SUPT6H: variants seen among roughly 807,000 people sequenced by gnomAD.
SUPT6H encodes the protein transcription elongation factor SPT6.
SUPT6H carries 11 observed loss-of-function variants against 222.3 expected under a neutral mutation model. The observed-to-expected ratio is 0.05, with a 90% CI of 0.03 to 0.08. The LOEUF (loss-of-function observed/expected upper bound fraction) is 0.08, where lower values mean the gene tolerates loss of function less well. Among genes scored for constraint, SUPT6H ranks in the 10% least tolerant of loss-of-function variants. The pLI is 1.00. For missense variants in SUPT6H, 1,422 were observed against 2,216.0 expected (o/e 0.64, Z 7.19); for synonymous variants, 762 against 801.2 (o/e 0.95, Z 0.83).
At position 28,686,512 on chromosome 17, in the gene SUPT6H, C is replaced by CA. The variant is rs2031387936; in HGVS notation, c.2564+97_2564+98insA. ...ATGCCCATAACAGATGGGGCTTGTG[C>CA]TTGTGCAGGGAGTGTCCCTGGGGAT... On this transcript the variant is annotated intron_variant, in intron 20 of 36. Transcript: ENST00000314616. 19 of 1,540,868 alleles carry CA rather than the reference C, an allele frequency of 1.2e-5. No homozygotes were observed. The Admixed American group carries it at 3.3e-4, about 27-fold the overall frequency.
intron 11 of SUPT6H, among the ~76,000 whole-genome samples, chr17:28,679,495 G>T (rs2030961410): frequency 6.6e-6 from 1 of 152,156 alleles, no homozygotes; most frequent in Non-Finnish European, 1.5e-5. Context: ...GTTGCAGTGA[G>T]CTATGATTAT....
chr17:28,679,769 G>C (rs1034871924), intron 11 of SUPT6H, among the ~76,000 whole-genome samples: 9 of 151,648 alleles, frequency 5.9e-5, no homozygotes, highest in Admixed American at 5.3e-4. Context: ...GGGCGGGCGG[G>C]TCATGAGGTC....
intron 1 of SUPT6H, among the ~76,000 whole-genome samples, chr17:28,671,423 T>A (rs578212502): frequency 2.0e-5 from 3 of 152,306 alleles, no homozygotes; most frequent in Admixed American, 1.3e-4. Context: ...ATATGTTCTT[T>A]ATCTTCCAGA....
intron 10 of SUPT6H, 27 bp from the exon 11 acceptor site, chr17:28,678,792 GCT>G (rs1337611449): frequency 6.2e-7 from 1 of 1,613,946 alleles, no homozygotes; most frequent in Admixed American, 1.7e-5. Flanking sequence ...CTGAACACAA[GCT>G]CTCATTCCTG....
At position 28,677,721 on chromosome 17, in the gene SUPT6H, T is replaced by C. The variant is rs769634595; in HGVS notation, c.904T>C (p.Ser302Pro). 1.9e-6 allele frequency: 3 copies of C among 1,614,070 alleles called. No individual in the cohort carries two copies. Among genetic ancestry groups the C allele is most frequent in the Non-Finnish European group, 2.5e-6 (3 of 1,179,924 alleles). The stretch of plus-strand genomic sequence containing the variant: ...GTTGTCTTATCCACTCCAGCTCCGC[T>C]CCATCCCAGTCAAGGGGGCTGAAGA... ...TDLPERFQLR[S>P]IPVKGAEDDE... is the part of the protein sequence containing the mutation. The change falls in exon 8 of 37, where the codon TCC becomes CCC. Residue 302 changes from serine (S) to proline (P), a missense_variant. Around this residue, in one of 13 missense-constraint regions of SUPT6H, gnomAD observed 389 missense variants for 544.6 expected, o/e 0.71. Coordinates refer to ENST00000314616, the MANE Select transcript of SUPT6H (RefSeq NM_003170.5).
At position 28,687,090 on chromosome 17, in the gene SUPT6H, A is replaced by C. The variant is rs201651100; in HGVS notation, c.2703A>C (p.Ala901=). 4 of 1,613,150 alleles carry C rather than the reference A, an allele frequency of 2.5e-6. No homozygotes were observed. In the East Asian group the frequency reaches 6.7e-5, roughly 27 times the overall value. The stretch of plus-strand genomic sequence containing the variant: ...TGCTGACCCTCGTTTGACTCTAGGC[A>C]GAGTTCCGGGATTATCCTCCAGTGC... The part of the protein sequence containing the change: ...ILYMNSKKSE[A]EFRDYPPVLR... Residue 901 remains alanine, a splice_region_variant and synonymous_variant, in exon 22 of 37, where the codon GCA becomes GCC. Coordinates refer to ENST00000314616, the MANE Select transcript of SUPT6H (RefSeq NM_003170.5).
chr17:28,662,896 T>C (rs1397049167), intron 1 of SUPT6H, among the ~76,000 whole-genome samples: 1 of 152,240 alleles, frequency 6.6e-6, no homozygotes, highest in Admixed American at 6.5e-5. Context: ...TATAGATTCA[T>C]TTCCTCAAAC....
chr17:28,693,930 T>C (rs1245782105), intron 28 of SUPT6H, 94 bp downstream of exon 28: 2 of 1,537,960 alleles, frequency 1.3e-6, no homozygotes, highest in African/African-American at 2.7e-5. Context: ...GAAGTTAGGC[T>C]CTGTTCCCAG....
In SUPT6H at chr17:28,684,880, A is replaced by G. The variant is rs1188486238; in HGVS notation, c.2406A>G (p.Glu802=). ...TGTTCTGCGCCCTGGTCAATGGTGA[A>G]GGAGAAGTGACAGACTTCCTTCGAC... The part of the protein sequence containing the change: ...HPVFCALVNG[E]GEVTDFLRLP... Residue 802 remains glutamate (E), a synonymous_variant, in exon 19 of 37, where the codon GAA becomes GAG. Coordinates refer to ENST00000314616, the MANE Select transcript of SUPT6H (RefSeq NM_003170.5). 1 of 1,614,218 alleles carries G rather than the reference A, an allele frequency of 6.2e-7. No homozygotes were observed. Among genetic ancestry groups the G allele is most frequent in the East Asian group, 2.2e-5 (1 of 44,894 alleles).
Position 28,673,356 on chromosome 17 carries a change from C to A in SUPT6H, c.-31-15C>A. 6.6e-7 allele frequency: 1 copy of A among 1,510,552 alleles called. No homozygotes were observed. Among genetic ancestry groups the A allele is most frequent in the Non-Finnish European group, 9.2e-7 (1 of 1,089,534 alleles). 93.6% of individuals were successfully genotyped at this position (1,510,552 alleles called of 1,614,324 possible). A position where few individuals can be genotyped will look rare whatever the true frequency, so the allele number is the denominator to read the frequency against. On this transcript the variant is annotated splice_polypyrimidine_tract_variant and intron_variant, in intron 1 of 36. Transcript: ENST00000314616. ...TGTGTCCGTTTTTTTATCCTTCACT[C>A]TTTTCTTTCCCTAGTTATCTTCAGG... is the stretch of plus-strand genomic sequence containing the variant.
chr17:28,697,484 C>A, intron 30 of SUPT6H, 136 bp from the exon 31 acceptor site: 1 of 680,298 alleles, frequency 1.5e-6, no homozygotes. Context: ...CTGGACATGA[C>A]ACAGATGGAT....
intron 1 of SUPT6H, among the ~76,000 whole-genome samples, chr17:28,663,773 C>G (rs1289915063): frequency 1.4e-5 from 2 of 144,642 alleles, no homozygotes; most frequent in African/African-American, 5.1e-5. Context: ...TCAGCTTTCT[C>G]AACTTTCATT....
In SUPT6H at chr17:28,690,218, CCTT is replaced by C; in HGVS notation, c.3482_3484del (p.Phe1161del). 1 of 1,613,796 alleles carries C rather than the reference CCTT, an allele frequency of 6.2e-7. No individual in the cohort carries two copies. The highest frequency in any genetic ancestry group is 1.3e-5 in the African/African-American group (1 of 75,000). ...ATGTTAACCAAAGAAACACCAGAGA[CCTT>C]CTACATTGGTAAATTCTGGGGTCAT... On this transcript the variant is annotated inframe_deletion, in exon 26 of 37. Coordinates refer to ENST00000314616, the MANE Select transcript of SUPT6H (RefSeq NM_003170.5).
At chr17:28,682,066 A>G (rs2031141084) in intron 13 of SUPT6H, 86 bp downstream of exon 13, 4 of 1,111,910 alleles carry the variant, frequency 3.6e-6, no homozygotes, top group Non-Finnish European at 3.9e-6. Flanking sequence ...TAGGAAAAAG[A>G]AAGGCTATCT....
chr17:28,674,179 C>T (rs933511889), intron 2 of SUPT6H, 104 bp from the exon 3 acceptor site: 15 of 1,375,950 alleles, frequency 1.1e-5, no homozygotes, highest in African/African-American at 5.7e-5. Context: ...ACATGGCACC[C>T]AGGTCATTAG....
In SUPT6H at chr17:28,693,845, C is replaced by T; in HGVS notation, c.3774+9C>T. ...CAGAAGAACGAGTGAAGGTAGAGGA[C>T]TGATTGTCCTAAGGTCGTAGTGCAA... On this transcript the variant is annotated intron_variant, in intron 28 of 36. Coordinates refer to ENST00000314616, the MANE Select transcript of SUPT6H (RefSeq NM_003170.5). The T allele has an allele frequency of 6.2e-7, 1 of 1,614,140 alleles. No individual in the cohort carries two copies. Among genetic ancestry groups the T allele is most frequent in the Non-Finnish European group, 8.5e-7 (1 of 1,179,998 alleles).
intron 1 of SUPT6H, among the ~76,000 whole-genome samples, chr17:28,667,415 ATATATATATATATATATATATG>A (rs2030116530): frequency 6.3e-5 from 8 of 127,580 alleles, no homozygotes; most frequent in Non-Finnish European, 9.8e-5. Flanking sequence ...GTATATATAT[ATATATATATATATATATATATG>A]TATGTGTGTG....
Position 28,681,919 on chromosome 17 carries a change from G to A in SUPT6H, c.1536G>A (p.Gly512=). The A allele has an allele frequency of 1.2e-6, 2 of 1,610,470 alleles. No individual in the cohort carries two copies. The highest frequency in any genetic ancestry group is 1.7e-6 in the Non-Finnish European group (2 of 1,179,146). ...AGGCAGAAGATGAGGAGCAGAGGGG[G>A]CCTGAGCTCAAGCAAGCCTCTCGCC... ...GDEAEDEEQR[G]PELKQASRRD... is the part of the protein sequence containing the mutation. The change falls in exon 13 of 37, where the codon GGG becomes GGA. Residue 512 remains glycine, a synonymous_variant. Transcript: ENST00000314616.
Position 28,674,403 on chromosome 17 carries a change from A to G in SUPT6H, c.230A>G (p.Asp77Gly), listed in dbSNP as rs2030611676. 1 of 1,613,634 alleles carries G rather than the reference A, an allele frequency of 6.2e-7. No individual in the cohort carries two copies. Among genetic ancestry groups the G allele is most frequent in the Admixed American group, 1.7e-5 (1 of 59,916 alleles). The change falls in exon 3 of 37, where the codon GAT becomes GGT. Residue 77 changes from aspartate (D) to glycine (G), a missense_variant. Coordinates refer to ENST00000314616, the MANE Select transcript of SUPT6H (RefSeq NM_003170.5). ...GEEDEGSDSG[D>G]SEDDVGHKKR... is the part of the protein sequence containing the mutation. ...GAGGATGAGGGCAGTGACTCTGGTG[A>G]TTCAGAAGATGATGTTGGCCACAAG... is the stretch of plus-strand genomic sequence containing the variant.
Sources: allele counts gnomAD v4.1 joint callset (sites outside exome capture counted in the v4.1 genomes callset), GRCh38; gene constraint gnomAD v4.1.1; regional missense constraint gnomAD v4.1.1; transcripts MANE v1.5; gene names NCBI Gene and HGNC (gene_info 2026-07-23, HGNC 2026-07-21).